Variants in GRM3 observed in about 807,000 individuals in gnomAD.
The protein encoded by GRM3 is metabotropic glutamate receptor 3.
A neutral mutation model predicts 70.5 loss-of-function variants in GRM3; 26 were observed. The ratio of observed to expected loss-of-function variants is 0.37; its 90% CI spans 0.27 to 0.51. The LOEUF is 0.51. Ranked by LOEUF, GRM3 falls within the 20% of genes least tolerant of loss-of-function variation. The pLI is 0.93. For missense variants in GRM3, 859 were observed against 1,123.8 expected, an observed-to-expected ratio of 0.76 and a Z score of 3.37; for synonymous variants, 443 against 434.9, an observed-to-expected ratio of 1.02 and a Z score of -0.23.
chr7:86,835,148 A>G (rs1231636386), intron 3 of GRM3, among the ~76,000 whole-genome samples: 2 of 152,100 alleles, frequency 1.3e-5, no homozygotes, highest in African/African-American at 4.8e-5. Context: ...TTTGGGTATC[A>G]GGGGATTTAA....
intron 3 of GRM3, among the ~76,000 whole-genome samples, chr7:86,835,395 AG>A (rs1798436656): frequency 6.6e-6 from 1 of 152,192 alleles, no homozygotes; most frequent in African/African-American, 2.4e-5. Flanking sequence ...TAAAAGTAGT[AG>A]AAAAAGGTTT....
chr7:86,805,500 G>A (rs1797771639), intron 3 of GRM3, among the ~76,000 whole-genome samples: 1 of 152,066 alleles, frequency 6.6e-6, no homozygotes, highest in Non-Finnish European at 1.5e-5. Context: ...CATTCTATAT[G>A]TTTTAAGTGT....
At chr7:86,789,427 T>A (rs964736711) in intron 3 of GRM3, among the ~76,000 whole-genome samples, 1 of 152,242 alleles carries the variant, frequency 6.6e-6, no homozygotes, top group African/African-American at 2.4e-5. Context: ...ACTAAATATA[T>A]GTATATTTTT....
chr7:86,831,358 AAC>A (rs1456074832), intron 3 of GRM3, among the ~76,000 whole-genome samples: 1 of 152,170 alleles, frequency 6.6e-6, no homozygotes, highest in Admixed American at 6.5e-5. Context: ...TACAAATCTA[AAC>A]ACTTATTAGA....
chr7:86,824,903 A>T (rs1051443234), intron 3 of GRM3, among the ~76,000 whole-genome samples: 3 of 139,372 alleles, frequency 2.2e-5, no homozygotes, highest in Non-Finnish European at 4.4e-5. Context: ...TATCTTATTA[A>T]TTGAGCACAG....
At chr7:86,802,056 A>G (rs1176412081) in intron 3 of GRM3, among the ~76,000 whole-genome samples, 2 of 152,156 alleles carry the variant, frequency 1.3e-5, no homozygotes, top group Non-Finnish European at 2.9e-5. Context: ...GAAAACTAGC[A>G]TTTATTGATT....
chr7:86,687,113 T>G (rs1794585982), intron 1 of GRM3, among the ~76,000 whole-genome samples: 1 of 151,764 alleles, frequency 6.6e-6, no homozygotes, highest in Non-Finnish European at 1.5e-5. Flanking sequence ...AAATATAGGA[T>G]TCCATGAAAA....
At chr7:86,728,524 T>C (rs183108582) in intron 1 of GRM3, among the ~76,000 whole-genome samples, 27 of 152,270 alleles carry the variant, frequency 1.8e-4, no homozygotes, top group Admixed American at 6.5e-4. Context: ...AGTAAATCAA[T>C]GAATTAAACC....
intron 5 of GRM3, among the ~76,000 whole-genome samples, 158 bp downstream of exon 5, chr7:86,850,702 G>A (rs1421905270): frequency 4.6e-5 from 7 of 152,164 alleles, no homozygotes; most frequent in Non-Finnish European, 8.8e-5. Context: ...TGTGCTAAGT[G>A]CTGGGGATTC....
chr7:86,848,504 T>C (rs1359551972), intron 4 of GRM3, among the ~76,000 whole-genome samples: 1 of 152,130 alleles, frequency 6.6e-6, no homozygotes, highest in East Asian at 1.9e-4. Flanking sequence ...TCTTTAGAAA[T>C]TACCCTCTGG....
chr7:86,854,528 G>T (rs199545081), intron 5 of GRM3, among the ~76,000 whole-genome samples: 1 of 144,536 alleles, frequency 6.9e-6, no homozygotes, highest in Non-Finnish European at 1.5e-5. Flanking sequence ...GTAGAAGTAA[G>T]AATAATAAAT....
intron 1 of GRM3, among the ~76,000 whole-genome samples, chr7:86,682,362 C>T (rs1794461080): frequency 6.6e-6 from 1 of 152,042 alleles, no homozygotes; most frequent in Non-Finnish European, 1.5e-5. Context: ...TATGCGAATG[C>T]CACTGCAATA....
At chr7:86,704,545 T>C (rs1014999186) in intron 1 of GRM3, among the ~76,000 whole-genome samples, 6 of 151,858 alleles carry the variant, frequency 4.0e-5, no homozygotes, top group Non-Finnish European at 7.4e-5. Flanking sequence ...ACAGACAACA[T>C]CAAACATTTA....
chr7:86,693,541 A>G (rs756115114), intron 1 of GRM3, among the ~76,000 whole-genome samples: 17 of 152,234 alleles, frequency 1.1e-4, no homozygotes, highest in Non-Finnish European at 2.1e-4. Flanking sequence ...TCTAGCTAAC[A>G]AATCATCAGG....
intron 1 of GRM3, among the ~76,000 whole-genome samples, chr7:86,727,350 A>T (rs1048976295): frequency 6.6e-6 from 1 of 152,080 alleles, no homozygotes; most frequent in Non-Finnish European, 1.5e-5. Flanking sequence ...TATTCCATCT[A>T]CTTTTCTCCT....
intron 3 of GRM3, among the ~76,000 whole-genome samples, chr7:86,827,841 G>A (rs975961371): frequency 2.6e-5 from 4 of 152,052 alleles, no homozygotes; most frequent in African/African-American, 4.8e-5. Flanking sequence ...AGGCCGGTGC[G>A]GTGGCTCACA....
intron 3 of GRM3, among the ~76,000 whole-genome samples, chr7:86,793,207 A>G (rs1193975862): frequency 2.0e-5 from 3 of 152,168 alleles, no homozygotes; most frequent in South Asian, 4.1e-4. Flanking sequence ...GATTCATCCA[A>G]TAGGAACAAG....
intron 1 of GRM3, among the ~76,000 whole-genome samples, chr7:86,727,612 A>G (rs1051784437): frequency 1.3e-5 from 2 of 152,210 alleles, no homozygotes; most frequent in Non-Finnish European, 2.9e-5. Flanking sequence ...TGCTTGACAG[A>G]TTATAGCACT....
intron 4 of GRM3, among the ~76,000 whole-genome samples, chr7:86,841,115 C>T (rs1055785243): frequency 5.3e-5 from 8 of 152,212 alleles, no homozygotes; most frequent in South Asian, 4.1e-4. Flanking sequence ...TTTAAAACAT[C>T]ATGTTGTACA....
Sources: allele counts gnomAD v4.1 joint callset (sites outside exome capture counted in the v4.1 genomes callset), GRCh38; gene constraint gnomAD v4.1.1; transcripts MANE v1.5; gene names NCBI Gene and HGNC (gene_info 2026-07-23, HGNC 2026-07-21).